Variants in TRMT11 observed in about 807,000 individuals in gnomAD.
The protein encoded by TRMT11 is tRNA methyltransferase 11, also known as tRNA (guanine(10)-N(2))-methyltransferase TRMT11.
Under a neutral mutation model 62.8 loss-of-function variants are expected in TRMT11, and 53 were observed. The observed-to-expected ratio is 0.84, with a 90% CI of 0.68 to 1.06. TRMT11 has a LOEUF of 1.06. TRMT11 is among the 50% of genes least tolerant of loss of function. The pLI is 0.00. For synonymous variants in TRMT11, 188 were observed against 190.3 expected, an observed-to-expected ratio of 0.99 and a Z score of 0.10; for missense variants, 556 against 553.4, an observed-to-expected ratio of 1.00 and a Z score of -0.05.
chr6:126,086,148 T>C (rs1777214505), intron 17 of TRMT11, among the ~76,000 whole-genome samples: 1 of 152,120 alleles, frequency 6.6e-6, no homozygotes, highest in Non-Finnish European at 1.5e-5. Context: ...AACTAACAGA[T>C]TAAAAGGAAG....
At chr6:126,119,565 G>T (rs559900171) in intron 21 of TRMT11, among the ~76,000 whole-genome samples, 1 of 151,908 alleles carries the variant, frequency 6.6e-6, no homozygotes, top group Non-Finnish European at 1.5e-5. Flanking sequence ...GAAAACCGAT[G>T]CATGGAAAGA....
At chr6:126,161,745 G>A (rs1248008173) in intron 21 of TRMT11, among the ~76,000 whole-genome samples, 1 of 152,164 alleles carries the variant, frequency 6.6e-6, no homozygotes, top group Non-Finnish European at 1.5e-5. Context: ...TCCAGCATCT[G>A]TTGTTTCTTG....
intron 1 of TRMT11, among the ~76,000 whole-genome samples, chr6:126,184,659 T>C (rs1036533051): frequency 6.6e-6 from 1 of 152,058 alleles, no homozygotes; most frequent in African/African-American, 2.4e-5. Context: ...TTTCTCTTGG[T>C]TCCTTCAGAC....
At chr6:126,151,555 A>G (rs573253490) in intron 21 of TRMT11, among the ~76,000 whole-genome samples, 2 of 152,326 alleles carry the variant, frequency 1.3e-5, no homozygotes, top group Non-Finnish European at 2.9e-5. Context: ...CCAAGGAACG[A>G]TTGTTAACTT....
chr6:126,243,691 A>T, the TRMT11 span, among the ~76,000 whole-genome samples: 1 of 152,144 alleles, frequency 6.6e-6, no homozygotes, highest in East Asian at 1.9e-4. Flanking sequence ...AGGACAAAAA[A>T]CTAAACACCG....
chr6:126,056,723 C>T (rs937370501), intron 17 of TRMT11, among the ~76,000 whole-genome samples: 1 of 152,178 alleles, frequency 6.6e-6, no homozygotes, highest in African/African-American at 2.4e-5. Context: ...GCAGAGCTTG[C>T]CATTTACTTC....
intron 1 of TRMT11, among the ~76,000 whole-genome samples, chr6:125,989,347 C>T (rs146955619): frequency 7.9e-5 from 12 of 151,988 alleles, no homozygotes; most frequent in African/African-American, 2.9e-4. Flanking sequence ...AGGATAGTCT[C>T]GGTCTCTTGA....
intron 21 of TRMT11, among the ~76,000 whole-genome samples, chr6:126,119,504 A>C (rs1777626077): frequency 1.3e-5 from 2 of 151,190 alleles, no homozygotes; most frequent in Non-Finnish European, 3.0e-5. Flanking sequence ...AAAAAGACTA[A>C]GACAAGAAAA....
intron 16 of TRMT11, among the ~76,000 whole-genome samples, chr6:126,051,036 C>T (rs1003360012): frequency 1.6e-4 from 24 of 152,104 alleles, no homozygotes; most frequent in Non-Finnish European, 2.6e-4. Flanking sequence ...ATCCAGCCTG[C>T]CCTGGGGCTG....
At chr6:126,259,938 T>G in the TRMT11 span, among the ~76,000 whole-genome samples, 13 of 152,280 alleles carry the variant, frequency 8.5e-5, no homozygotes, top group Non-Finnish European at 1.5e-4. Flanking sequence ...ACCCCTTTAT[T>G]TTTAGTCTGT....
At chr6:126,192,332 GT>G (rs1562345396) in intron 1 of TRMT11, among the ~76,000 whole-genome samples, 2 of 152,148 alleles carry the variant, frequency 1.3e-5, no homozygotes, top group East Asian at 3.9e-4. Flanking sequence ...AATTCTAAGA[GT>G]TTTTTGGTGA....
intron 9 of TRMT11, among the ~76,000 whole-genome samples, chr6:126,012,183 A>G (rs1355044573): frequency 6.6e-6 from 1 of 152,144 alleles, no homozygotes; most frequent in Non-Finnish European, 1.5e-5. Flanking sequence ...AATATACTTT[A>G]TGAAAATTTA....
intron 21 of TRMT11, among the ~76,000 whole-genome samples, chr6:126,151,888 G>GTCTTTT (rs1778055910): frequency 4.5e-5 from 1 of 22,276 alleles, no homozygotes; most frequent in Non-Finnish European, 8.3e-5. Flanking sequence ...TTCCTTCCTT[G>GTCTTTT]TCTTTTTCTT....
At chr6:126,107,581 C>T (rs936189675) in intron 17 of TRMT11, among the ~76,000 whole-genome samples, 4 of 152,072 alleles carry the variant, frequency 2.6e-5, no homozygotes, top group Non-Finnish European at 5.9e-5. Flanking sequence ...GCACAGCAGG[C>T]GAGTTTGTGG....
intron 17 of TRMT11, among the ~76,000 whole-genome samples, chr6:126,107,775 C>A (rs558506134): frequency 6.6e-6 from 1 of 152,262 alleles, no homozygotes; most frequent in Admixed American, 6.5e-5. Context: ...GAAAACAAAT[C>A]CTTTCCAAGT....
At chr6:126,021,022 G>T in intron 11 of TRMT11, 138 bp from the exon 12 acceptor site, 1 of 941,168 alleles carries the variant, frequency 1.1e-6, no homozygotes, top group Non-Finnish European at 1.6e-6. Context: ...ATAGTTTATG[G>T]ATCATGTGGA....
At chr6:126,232,084 A>G in the TRMT11 span, among the ~76,000 whole-genome samples, 3 of 152,100 alleles carry the variant, frequency 2.0e-5, no homozygotes, top group Admixed American at 1.3e-4. Flanking sequence ...GCTATATCCA[A>G]ACTGAAAAAT....
intron 21 of TRMT11, among the ~76,000 whole-genome samples, chr6:126,127,237 G>A (rs1435275870): frequency 6.6e-6 from 1 of 152,116 alleles, no homozygotes; most frequent in African/African-American, 2.4e-5. Flanking sequence ...GGGCACCCAT[G>A]TGAGGAGTAG....
chr6:126,140,190 C>G (rs1269171567), intron 21 of TRMT11, among the ~76,000 whole-genome samples: 1 of 151,644 alleles, frequency 6.6e-6, no homozygotes, highest in Admixed American at 6.6e-5. Flanking sequence ...GGTAGGTTCT[C>G]TAGTATTGAA....
Sources: allele counts gnomAD v4.1 joint callset (sites outside exome capture counted in the v4.1 genomes callset), GRCh38; gene constraint gnomAD v4.1.1; transcripts MANE v1.5; gene names NCBI Gene and HGNC (gene_info 2026-07-23, HGNC 2026-07-21).